The following ACSM2B variants were observed in gnomAD, a reference collection of about 807,000 sequenced individuals.
The protein encoded by ACSM2B is acyl-coenzyme A synthetase ACSM2B, mitochondrial.
In ACSM2B, 58 loss-of-function variants were observed where a neutral mutation model predicts 78.6. The ratio of observed to expected loss-of-function variants is 0.74; its 90% CI spans 0.60 to 0.92. The LOEUF (loss-of-function observed/expected upper bound fraction) is 0.92. Ranked by LOEUF, ACSM2B falls within the 40% of genes least tolerant of loss-of-function variation. The probability of loss-of-function intolerance (pLI) is 0.00; values close to 1 mark genes in which losing one functional copy is unlikely to be tolerated. For missense variants in ACSM2B, 688 were observed against 711.2 expected, an observed-to-expected ratio of 0.97 and a Z score of 0.37; for synonymous variants, 257 against 256.8, an observed-to-expected ratio of 1.00 and a Z score of -0.01.
At position 20,552,927 on chromosome 16, in the gene ACSM2B, T is replaced by A. The variant is rs551587752; in HGVS notation, c.741-630A>T. ...CTTTCAGCTCTGTAGGGAAATTAGG[T>A]CATAGTACAAGACTTCTCTAAGTCT... On this transcript the variant is annotated intron_variant, in intron 5 of 13. Coordinates refer to ENST00000329697, the MANE Select transcript of ACSM2B (RefSeq NM_001105069.2). Among the ~76,000 whole-genome samples, 5 of 152,302 alleles carry A rather than the reference T, an allele frequency of 3.3e-5. No homozygotes were observed. In the East Asian group the frequency reaches 9.6e-4, roughly 29 times the overall value.
intron 13 of ACSM2B, among the ~76,000 whole-genome samples, chr16:20,539,301 AG>A (rs200885380): frequency 0.66 from 69,724 of 104,918 alleles, 23,593 homozygotes; most frequent in Non-Finnish European, 0.77. Flanking sequence ...TATGACAATT[AG>A]CCTGTGCTGA....
intron 1 of ACSM2B, among the ~76,000 whole-genome samples, chr16:20,565,693 C>A (rs962984324): frequency 3.3e-5 from 5 of 151,972 alleles, no homozygotes; most frequent in African/African-American, 9.7e-5. Flanking sequence ...TATATAAGTT[C>A]TTTATTGGTG....
At chr16:20,554,202 T>C (rs1596718491) in intron 4 of ACSM2B, 4 of 566,236 alleles carry the variant, frequency 7.1e-6, no homozygotes, top group East Asian at 3.9e-5. Context: ...GATCAAGTCT[T>C]ATAGAGTTAT....
intron 1 of ACSM2B, chr16:20,575,427 C>G (rs1021549518): frequency 6.6e-6 from 1 of 151,184 alleles, no homozygotes. Flanking sequence ...CTCACATGAT[C>G]ACAAGGTCCC....
chr16:20,544,906 A>G, intron 10 of ACSM2B: 1 of 1,136,338 alleles, frequency 8.8e-7, no homozygotes, highest in Non-Finnish European at 1.1e-6. Context: ...TGAAACAGAG[A>G]GTTCTTGAGG....
Position 20,552,249 on chromosome 16 carries a change from T to G in ACSM2B, c.789A>C (p.Thr263=), listed in dbSNP as rs1430239734. The change falls in exon 6 of 14, where the codon ACA becomes ACC. Residue 263 remains threonine (T), a synonymous_variant. Transcript: ENST00000329697. ...ASDIMWTISD[T]GWILNILGSL... ...AGCCCAAGATGTTCAGTATCCAACC[T>G]GTGTCTGATATGGTCCACATTATAT... 1 of 1,613,752 alleles carries G rather than the reference T, an allele frequency of 6.2e-7. No homozygotes were observed. Among genetic ancestry groups the G allele is most frequent in the Non-Finnish European group, 8.5e-7 (1 of 1,179,804 alleles).
At chr16:20,538,790 G>C (rs1005564897) in intron 13 of ACSM2B, among the ~76,000 whole-genome samples, 1 of 152,124 alleles carries the variant, frequency 6.6e-6, no homozygotes, top group Non-Finnish European at 1.5e-5. Flanking sequence ...AGAGGTTATC[G>C]AGTAAGTGGT....
intron 2 of ACSM2B, among the ~76,000 whole-genome samples, chr16:20,561,978 C>G (rs1455327664): frequency 2.1e-5 from 3 of 140,312 alleles, no homozygotes; most frequent in Admixed American, 7.4e-5. Flanking sequence ...GTTTTTTTGT[C>G]CTTGCCATGG....
rs1324277801 is a variant in ACSM2B, at chr16:20,537,179, C to A, written c.*79G>T. On this transcript the variant is annotated 3_prime_UTR_variant, in exon 14 of 14. Transcript: ENST00000329697. ...TGTTCTTTCATAAAGAATCTCATAT[C>A]ATCATAGTAAGGCCAAGGGCCCAAA... The A allele has an allele frequency of 1.1e-5, 17 of 1,521,040 alleles. No individual in the cohort carries two copies. In the East Asian group the frequency reaches 3.4e-4, roughly 30 times the overall value. 94.2% of individuals were successfully genotyped at this position (1,521,040 alleles called of 1,614,324 possible).
chr16:20,553,851 A>T lies in ACSM2B; in HGVS notation c.666T>A (p.Ser222Arg), dbSNP rs1205142408. 1.8e-5 allele frequency: 29 copies of T among 1,613,864 alleles called. No individual in the cohort carries two copies. Among genetic ancestry groups the T allele is most frequent in the Non-Finnish European group, 2.3e-5 (27 of 1,179,888 alleles). The stretch of plus-strand genomic sequence containing the variant: ...CCATCTTGGGAAGACCACTGGTCCC[A>T]CTAGTGAAGTAGATGGCAGATGCTT... ...SQEASAIYFT[S>R]GTSGLPKMAE... is the part of the protein sequence containing the mutation. Residue 222 changes from serine to arginine, a missense_variant, in exon 5 of 14, where the codon AGT becomes AGA. Physicochemically the swap from Ser to Arg is moderately radical, Grantham distance 110 (BLOSUM62 -1). Coordinates refer to ENST00000329697, the MANE Select transcript of ACSM2B (RefSeq NM_001105069.2).
At chr16:20,548,522 A>G in intron 6 of ACSM2B, 49 bp from the exon 7 acceptor site, 1 of 1,612,866 alleles carries the variant, frequency 6.2e-7, no homozygotes, top group Non-Finnish European at 8.5e-7. Context: ...TCAAATGCCA[A>G]CTTATGGCTA....
intron 1 of ACSM2B, among the ~76,000 whole-genome samples, chr16:20,569,924 T>C (rs2016048792): frequency 6.6e-6 from 1 of 151,968 alleles, no homozygotes; most frequent in South Asian, 2.1e-4. Context: ...CCTGAAACTT[T>C]GCTGAATTCA....
intron 2 of ACSM2B, 118 bp downstream of exon 2, chr16:20,564,551 T>G (rs1386094640): frequency 6.1e-6 from 9 of 1,479,398 alleles, no homozygotes; most frequent in Non-Finnish European, 8.1e-6. Context: ...GTCTTGTCCA[T>G]AGCTTATTAC....
chr16:20,559,676 T>G (rs965603095), intron 2 of ACSM2B, among the ~76,000 whole-genome samples: 2 of 151,172 alleles, frequency 1.3e-5, no homozygotes, highest in African/African-American at 4.9e-5. Flanking sequence ...AAATGTATGC[T>G]TTTAGAAATA....
At chr16:20,556,627 A>C (rs1194713432) in intron 3 of ACSM2B, among the ~76,000 whole-genome samples, 1 of 152,136 alleles carries the variant, frequency 6.6e-6, no homozygotes, top group Non-Finnish European at 1.5e-5. Context: ...AAAGAAAAGA[A>C]CAGAATAACT....
Position 20,546,444 on chromosome 16 carries a change from T to A in ACSM2B, c.1129A>T (p.Lys377Ter), listed in dbSNP as rs2015144969. Reference protein sequence around the residue: ...GLTCMVSKTMKIKPGYMGTAA... With the variant: ...GLTCMVSKTM ...GTTCCCATGTATCCTGGTTTGATTT[T>A]CATTGTCTTGGAAACCATGCAAGTT... The change falls in exon 9 of 14, where the codon AAA becomes TAA. Residue 377 changes from lysine (K) to a stop codon, truncating the protein, a stop_gained. Coordinates refer to ENST00000329697, the MANE Select transcript of ACSM2B (RefSeq NM_001105069.2). LOFTEE classifies it high-confidence loss of function. 6.2e-7 allele frequency: 1 copy of A among 1,609,654 alleles called. No individual in the cohort carries two copies. The highest frequency in any genetic ancestry group is 1.7e-5 in the Admixed American group (1 of 59,768).
intron 6 of ACSM2B, chr16:20,549,818 C>A (rs1425806835): frequency 2.2e-6 from 1 of 449,254 alleles, no homozygotes. Flanking sequence ...GCGGGGGCTT[C>A]CAGCTTATAG....
chr16:20,547,514 A>G (rs1480287745), intron 8 of ACSM2B: 1 of 975,916 alleles, frequency 1.0e-6, no homozygotes, highest in East Asian at 1.1e-4. Flanking sequence ...TTCCCCATGT[A>G]GTTTTGATAA....
intron 6 of ACSM2B, among the ~76,000 whole-genome samples, chr16:20,548,850 C>G (rs537105953): frequency 3.3e-5 from 5 of 152,212 alleles, no homozygotes; most frequent in African/African-American, 1.2e-4. Flanking sequence ...TGGTTGAGTC[C>G]CTTAACTTTC....
Sources: gnomAD v4.1 joint callset for allele counts (sites outside exome capture counted in the v4.1 genomes callset) on GRCh38, gnomAD v4.1.1 for gene constraint, MANE v1.5 for transcripts, NCBI Gene and HGNC (gene_info 2026-07-23, HGNC 2026-07-21) for gene names.